SORCS3: variants seen among roughly 807,000 people sequenced by gnomAD.
The protein encoded by SORCS3 is VPS10 domain-containing receptor SorCS3.
Under a neutral mutation model 146.3 loss-of-function variants are expected in SORCS3, and 57 were observed. The observed-to-expected ratio is 0.39, with a 90% CI of 0.31 to 0.49. The LOEUF is 0.49. Ranked by LOEUF, SORCS3 falls within the 20% of genes least tolerant of loss-of-function variation. The pLI is 0.92. For synonymous variants in SORCS3, 653 were observed against 618.5 expected, an observed-to-expected ratio of 1.06 and a Z score of -0.83; for missense variants, 1,341 against 1,575.5, an observed-to-expected ratio of 0.85 and a Z score of 2.52.
chr10:105,041,518 A>T (rs923412495), intron 4 of SORCS3, among the ~76,000 whole-genome samples: 3 of 148,136 alleles, frequency 2.0e-5, no homozygotes, highest in African/African-American at 7.5e-5. Context: ...TACATGTTTA[A>T]TTATATGTGT....
intron 4 of SORCS3, among the ~76,000 whole-genome samples, chr10:105,032,810 G>T (rs1199001559): frequency 2.6e-5 from 4 of 152,116 alleles, no homozygotes; most frequent in Admixed American, 2.0e-4. Flanking sequence ...ACAGTGAGGA[G>T]GCCAGGAAAG....
intron 1 of SORCS3, among the ~76,000 whole-genome samples, chr10:104,713,260 G>T (rs576945837): frequency 6.6e-6 from 1 of 152,112 alleles, no homozygotes; most frequent in African/African-American, 2.4e-5. Flanking sequence ...CCCAACACAA[G>T]GTTGTCATCT....
At chr10:105,160,632 ATAAT>A (rs2056254440) in intron 11 of SORCS3, among the ~76,000 whole-genome samples, 1 of 152,212 alleles carries the variant, frequency 6.6e-6, no homozygotes, top group South Asian at 2.1e-4. Context: ...GGCTCAATAA[ATAAT>A]AAATAAATGA....
At chr10:104,890,572 A>G (rs1486662591) in intron 2 of SORCS3, among the ~76,000 whole-genome samples, 1 of 152,024 alleles carries the variant, frequency 6.6e-6, no homozygotes, top group African/African-American at 2.4e-5. Flanking sequence ...CTCTACTTGC[A>G]TGTACACTTT....
intron 3 of SORCS3, among the ~76,000 whole-genome samples, chr10:104,966,695 G>T (rs1366576811): frequency 2.0e-5 from 3 of 152,106 alleles, no homozygotes; most frequent in Non-Finnish European, 4.4e-5. Context: ...ATTCATCAAT[G>T]ATATTGTAAG....
rs368498555 is a variant in SORCS3 at position 104,945,021 on chromosome 10, A to T, written c.795+29089A>T. Among the ~76,000 whole-genome samples, 5 of 152,366 alleles carry T rather than the reference A, an allele frequency of 3.3e-5. No individual in the cohort carries two copies. The East Asian group carries it at 7.7e-4, about 23-fold the overall frequency. On this transcript the variant is annotated intron_variant, in intron 3 of 26. Transcript: ENST00000369701. ...ACCATACAGTAATGAGATTGAATGA[A>T]TTACTGCTATAAGCAAGCAACAACA... is the stretch of plus-strand genomic sequence containing the variant.
rs190326784 is a variant in SORCS3, at chr10:104,905,375, C to G, written c.696-10458C>G. On this transcript the variant is annotated intron_variant, in intron 2 of 26. Transcript: ENST00000369701. ...TTGGAAAACACCATGTGTTGGAAGA[C>G]TTTAGCCCTCTTTCTATTCTGGATG... Among the ~76,000 whole-genome samples the G allele has an allele frequency of 3.3e-5, 5 of 151,596 alleles. No homozygotes were observed. In the East Asian group the frequency reaches 9.7e-4, roughly 29 times the overall value.
chr10:105,020,290 A>G (rs998832544), intron 4 of SORCS3, among the ~76,000 whole-genome samples: 7 of 152,174 alleles, frequency 4.6e-5, no homozygotes, highest in Non-Finnish European at 1.0e-4. Context: ...GGGCCTCGTA[A>G]ATACTGACCA....
intron 3 of SORCS3, among the ~76,000 whole-genome samples, chr10:104,973,326 G>C (rs1201953425): frequency 1.3e-5 from 2 of 151,392 alleles, no homozygotes. Context: ...ATCTGGTCCT[G>C]GACTCTTTTT....
At chr10:105,175,299 A>C (rs1055175022) in intron 13 of SORCS3, among the ~76,000 whole-genome samples, 1 of 148,754 alleles carries the variant, frequency 6.7e-6, no homozygotes, top group Non-Finnish European at 1.5e-5. Context: ...GACTTCGGTG[A>C]TCTACCTGCC....
In SORCS3 at chr10:104,824,180, C is replaced by T. The variant is rs74155046; in HGVS notation, c.628-18612C>T. Reference sequence around the variant, plus strand: ...TGATACATTTGTGTTATTTTAAATTCGTGGTAATCTGTTACAACAGCAATA... The same window carrying T: ...TGATACATTTGTGTTATTTTAAATTTGTGGTAATCTGTTACAACAGCAATA... On this transcript the variant is annotated intron_variant, in intron 1 of 26. Coordinates refer to ENST00000369701, the MANE Select transcript of SORCS3 (RefSeq NM_014978.3). Among the ~76,000 whole-genome samples the T allele has an allele frequency of 5.6e-3, 856 of 152,218 alleles. 14 individuals carry two copies. Among genetic ancestry groups the T allele is most frequent in the African/African-American group, 0.019 (792 of 41,526 alleles).
rs779715719 is a variant in SORCS3, at chr10:105,159,006, A to C, written c.1732+12A>C. On this transcript the variant is annotated intron_variant, in intron 11 of 26. Coordinates refer to ENST00000369701, the MANE Select transcript of SORCS3 (RefSeq NM_014978.3). ...TGTGGTGGCTACAGGTAAGAAAAAC[A>C]TTCCCTGTGCTTCTTCCTTACTGAG... 1 of 1,567,972 alleles carries C rather than the reference A, an allele frequency of 6.4e-7. No individual in the cohort carries two copies. Among genetic ancestry groups the C allele is most frequent in the East Asian group, 2.2e-5 (1 of 44,576 alleles).
intron 20 of SORCS3, among the ~76,000 whole-genome samples, chr10:105,238,146 G>C (rs1283186855): frequency 2.6e-5 from 4 of 152,168 alleles, no homozygotes; most frequent in African/African-American, 9.7e-5. Context: ...AAATCCAACT[G>C]TAGGCTCATG....
intron 25 of SORCS3, among the ~76,000 whole-genome samples, chr10:105,258,054 T>A (rs1398166528): frequency 6.6e-6 from 1 of 152,228 alleles, no homozygotes; most frequent in East Asian, 1.9e-4. Flanking sequence ...TGACTCTTCC[T>A]GCCCCCCTTC....
intron 4 of SORCS3, among the ~76,000 whole-genome samples, chr10:105,000,436 T>C (rs1254911469): frequency 6.6e-6 from 1 of 152,128 alleles, no homozygotes; most frequent in Non-Finnish European, 1.5e-5. Flanking sequence ...CCCCGGATTG[T>C]AGAATATTCC....
At chr10:105,246,971 T>TA (rs2056870215) in intron 21 of SORCS3, among the ~76,000 whole-genome samples, 2 of 152,218 alleles carry the variant, frequency 1.3e-5, no homozygotes, top group South Asian at 4.1e-4. Flanking sequence ...TCAGATAATA[T>TA]ACAGGAAGAA....
At chr10:105,067,521 C>T (rs891036314) in intron 5 of SORCS3, among the ~76,000 whole-genome samples, 8 of 152,178 alleles carry the variant, frequency 5.3e-5, no homozygotes, top group South Asian at 2.1e-4. Flanking sequence ...ACTGAGACTC[C>T]GTCTCAAATA....
intron 1 of SORCS3, among the ~76,000 whole-genome samples, chr10:104,760,957 GAC>G (rs2133476424): frequency 6.6e-6 from 1 of 151,638 alleles, no homozygotes; most frequent in African/African-American, 2.4e-5. Context: ...GGGAAGTAGA[GAC>G]CATTCTAGAA....
intron 4 of SORCS3, among the ~76,000 whole-genome samples, chr10:104,992,311 C>G (rs1344085883): frequency 6.6e-6 from 1 of 152,116 alleles, no homozygotes; most frequent in African/African-American, 2.4e-5. Context: ...CATGAGGACC[C>G]CTTGGAAGAA....
Sources: allele counts gnomAD v4.1 joint callset (sites outside exome capture counted in the v4.1 genomes callset), GRCh38; gene constraint gnomAD v4.1.1; transcripts MANE v1.5; gene names NCBI Gene and HGNC (gene_info 2026-07-23, HGNC 2026-07-21).